The following YEATS2 variants were observed in gnomAD, a reference collection of about 807,000 sequenced individuals.
YEATS2 encodes the protein YEATS domain containing 2.
Under a neutral mutation model 163.2 loss-of-function variants are expected in YEATS2, and 77 were observed. The observed-to-expected ratio is 0.47, with a 90% CI of 0.39 to 0.57. YEATS2 has a LOEUF of 0.57. Among genes scored for constraint, YEATS2 ranks in the 20% least tolerant of loss-of-function variants. The pLI is 0.00. For missense variants in YEATS2, 1,549 were observed against 1,729.8 expected (o/e 0.90, Z 1.85); for synonymous variants, 631 against 645.1 (o/e 0.98, Z 0.33).
chr3:183,752,396 C>A, intron 10 of YEATS2, 143 bp downstream of exon 10: 1 of 1,028,760 alleles, frequency 9.7e-7, no homozygotes, highest in Non-Finnish European at 1.4e-6. Context: ...TTATGAAAGC[C>A]AAATTTCCAC....
intron 1 of YEATS2, among the ~76,000 whole-genome samples, chr3:183,712,909 C>T (rs896256310): frequency 6.6e-6 from 1 of 151,852 alleles, no homozygotes; most frequent in African/African-American, 2.4e-5. Context: ...TACAGGAGCC[C>T]GCCACCAGGC....
chr3:183,796,423 TG>T (rs1725162730), intron 21 of YEATS2, among the ~76,000 whole-genome samples: 1 of 151,380 alleles, frequency 6.6e-6, no homozygotes, highest in African/African-American at 2.4e-5. Context: ...TACGTGGAAA[TG>T]GGAATATAGA....
intron 21 of YEATS2, among the ~76,000 whole-genome samples, chr3:183,792,019 A>G (rs1724702169): frequency 6.6e-6 from 1 of 152,240 alleles, no homozygotes; most frequent in Admixed American, 6.5e-5. Context: ...TGTAGTGGCC[A>G]TTATATAAAC....
In YEATS2 at chr3:183,811,581, G is replaced by A. The variant is rs1255944828; in HGVS notation, c.*998G>A. ...GTGCCTTAAAGTTGGAGAAGTAACT[G>A]CCCATGCCCAGAAATAAGGATGCCA... On this transcript the variant is annotated 3_prime_UTR_variant, in exon 31 of 31. Transcript: ENST00000305135. 1.3e-5 allele frequency: 2 copies of A among 152,642 alleles called. No homozygotes were observed. The highest frequency in any genetic ancestry group is 4.8e-5 in the African/African-American group (2 of 41,432). The allele number at this position is 152,642 out of a possible 1,614,324, so 9.5% of individuals were successfully genotyped here.
intron 11 of YEATS2, among the ~76,000 whole-genome samples, chr3:183,754,864 A>T (rs1390927638): frequency 6.6e-6 from 1 of 152,144 alleles, no homozygotes; most frequent in Non-Finnish European, 1.5e-5. Context: ...CTAAGATTGG[A>T]TTATCTTTTG....
rs115788651 is a variant in YEATS2 at position 183,765,643 on chromosome 3, C to A, written c.1947+3364C>A. Among the ~76,000 whole-genome samples, 281 of 152,196 alleles carry A rather than the reference C, an allele frequency of 1.8e-3. 1 individual carries two copies. Among genetic ancestry groups the A allele is most frequent in the African/African-American group, 6.6e-3 (274 of 41,542 alleles). ...TTCCTGGTTATTGCTGAAGTGCATT[C>A]CTAGAAACTATGCCAGAGAACAGGC... On this transcript the variant is annotated intron_variant, in intron 15 of 30. Transcript: ENST00000305135.
chr3:183,805,292 G>T (rs1726074391), intron 27 of YEATS2, among the ~76,000 whole-genome samples: 1 of 151,728 alleles, frequency 6.6e-6, no homozygotes, highest in African/African-American at 2.4e-5. Context: ...CCAGCTACTT[G>T]GGTGACTAAG....
At chr3:183,766,137 T>TA (rs1381472607) in intron 15 of YEATS2, among the ~76,000 whole-genome samples, 1 of 152,142 alleles carries the variant, frequency 6.6e-6, no homozygotes, top group African/African-American at 2.4e-5. Flanking sequence ...AGCAGTGTGT[T>TA]AAAGTAGAAG....
intron 20 of YEATS2, among the ~76,000 whole-genome samples, chr3:183,787,334 T>C (rs1007527006): frequency 6.6e-6 from 1 of 152,186 alleles, no homozygotes; most frequent in Non-Finnish European, 1.5e-5. Flanking sequence ...TCACCAGCGA[T>C]ATACAAGGGT....
intron 8 of YEATS2, 113 bp downstream of exon 8, chr3:183,736,942 A>C: frequency 1.2e-6 from 1 of 841,532 alleles, no homozygotes; most frequent in East Asian, 2.6e-5. Context: ...ATTCACATAC[A>C]ACTTTCGACT....
At chr3:183,741,552 C>T (rs938370749) in intron 8 of YEATS2, among the ~76,000 whole-genome samples, 18 of 150,014 alleles carry the variant, frequency 1.2e-4, no homozygotes, top group Admixed American at 3.3e-4. Flanking sequence ...GAGGCCGAGG[C>T]GAGTGGATCA....
chr3:183,806,593 C>A, intron 27 of YEATS2: 1 of 478,550 alleles, frequency 2.1e-6, no homozygotes. Context: ...GGGGGATGAC[C>A]TGGTTTTTGG....
intron 8 of YEATS2, among the ~76,000 whole-genome samples, chr3:183,737,993 CTTTTT>C (rs1011156076): frequency 1.3e-5 from 2 of 149,660 alleles, no homozygotes; most frequent in African/African-American, 4.9e-5. Context: ...ATATTTCAAA[CTTTTT>C]TTTTTATTAA....
At chr3:183,749,091 C>T (rs575411601) in intron 9 of YEATS2, among the ~76,000 whole-genome samples, 7 of 152,018 alleles carry the variant, frequency 4.6e-5, no homozygotes, top group East Asian at 3.9e-4. Context: ...CACAGGCACC[C>T]GCCACCACGC....
intron 7 of YEATS2, among the ~76,000 whole-genome samples, chr3:183,729,706 T>G (rs1717513707): frequency 6.6e-6 from 1 of 152,040 alleles, no homozygotes; most frequent in South Asian, 2.1e-4. Flanking sequence ...AGTTTCACTC[T>G]TGTCACACAG....
intron 15 of YEATS2, among the ~76,000 whole-genome samples, chr3:183,764,697 C>T (rs1294691562): frequency 1.3e-5 from 2 of 151,572 alleles, no homozygotes; most frequent in Admixed American, 1.3e-4. Flanking sequence ...ATCCCAGCTA[C>T]TCGGGAGGCT....
At chr3:183,729,077 C>T (rs550533196) in intron 7 of YEATS2, among the ~76,000 whole-genome samples, 1 of 152,078 alleles carries the variant, frequency 6.6e-6, no homozygotes, top group African/African-American at 2.4e-5. Flanking sequence ...TTGAGACCAT[C>T]CTGGCTAACA....
chr3:183,728,785 A>G lies in YEATS2; in HGVS notation c.746A>G (p.His249Arg). ...TCCCGTAGAGAACCCAGCATTAATC[A>G]TTTTGTCAAGAAGGTTTGGTTCTTC... ...RGSRREPSIN[H>R]FVKKVWFFLH... is the part of the protein sequence containing the mutation. Residue 249 changes from histidine (H) to arginine (R), a missense_variant, in exon 7 of 31, where the codon CAT (histidine) becomes CGT (arginine). Coordinates refer to ENST00000305135, the MANE Select transcript of YEATS2 (RefSeq NM_018023.5). The G allele has an allele frequency of 1.2e-6, 2 of 1,614,144 alleles. No individual in the cohort carries two copies. The highest frequency in any genetic ancestry group is 1.7e-6 in the Non-Finnish European group (2 of 1,180,008).
Position 183,798,898 on chromosome 3 carries a change from G to A in YEATS2, c.3234G>A (p.Gln1078=). The change falls in exon 23 of 31, where the codon CAG becomes CAA. Residue 1078 remains glutamine (Q), a synonymous_variant. Coordinates refer to ENST00000305135, the MANE Select transcript of YEATS2 (RefSeq NM_018023.5). The stretch of plus-strand genomic sequence containing the variant: ...CTCCTTTTTTCCCTTTAGTGGTTCA[G>A]TCATTTTCTACCAGCAAGCCACCTG... The part of the protein sequence containing the change: ...TILMPVNKVV[Q]SFSTSKPPAI... 6.2e-7 allele frequency: 1 copy of A among 1,613,436 alleles called. No individual in the cohort carries two copies. Among genetic ancestry groups the A allele is most frequent in the Non-Finnish European group, 8.5e-7 (1 of 1,179,466 alleles).
Sources: allele counts gnomAD v4.1 joint callset (sites outside exome capture counted in the v4.1 genomes callset), GRCh38; gene constraint gnomAD v4.1.1; transcripts MANE v1.5; gene names NCBI Gene and HGNC (gene_info 2026-07-23, HGNC 2026-07-21).